The following SERINC5 variants were observed in gnomAD, a reference collection of about 807,000 sequenced individuals.
SERINC5 encodes serine incorporator 5.
Under a neutral mutation model 63.1 loss-of-function variants are expected in SERINC5, and 41 were observed. The ratio of observed to expected loss-of-function variants is 0.65; its 90% confidence interval spans 0.51 to 0.84. SERINC5 has a LOEUF of 0.84. Ranked by LOEUF, SERINC5 falls within the 40% of genes least tolerant of loss-of-function variation. The pLI is 0.00. For synonymous variants in SERINC5, 222 were observed against 215.2 expected (o/e 1.03, Z -0.28); for missense variants, 523 against 573.0 (o/e 0.91, Z 0.89).
intron 2 of SERINC5, among the ~76,000 whole-genome samples, chr5:80,201,826 T>A (rs142802545): frequency 3.9e-5 from 6 of 152,188 alleles, no homozygotes; most frequent in African/African-American, 1.4e-4. Context: ...ACCCTACAAG[T>A]AACCTGTCCA....
Position 80,242,595 on chromosome 5 carries a change from CA to C in SERINC5, c.27+13300del, listed in dbSNP as rs1484961852. 5.9e-5 allele frequency among the ~76,000 whole-genome samples: 9 copies of C among 152,138 alleles called. 1 individual carries two copies. On this transcript the variant is annotated intron_variant, in intron 1 of 11. Transcript: ENST00000507668. ...TGAAAGCTTGTCTCTACTAAAAATA[CA>C]AAAATTAGCCAAGTGTAGTGGCATG... is the stretch of plus-strand genomic sequence containing the variant.
chr5:80,229,517 C>T (rs1561442372), intron 1 of SERINC5, among the ~76,000 whole-genome samples: 1 of 151,974 alleles, frequency 6.6e-6, no homozygotes, highest in Non-Finnish European at 1.5e-5. Flanking sequence ...TTTAAGTCAA[C>T]ACTAGGAAAG....
intron 2 of SERINC5, among the ~76,000 whole-genome samples, chr5:80,181,996 G>C (rs971295980): frequency 1.3e-5 from 2 of 152,070 alleles, no homozygotes; most frequent in Admixed American, 1.3e-4. Context: ...TATTTTGTTT[G>C]TTGCACAATG....
chr5:80,250,445 G>A (rs1341823465), intron 1 of SERINC5, among the ~76,000 whole-genome samples: 11 of 152,180 alleles, frequency 7.2e-5, no homozygotes, highest in African/African-American at 2.2e-4. Flanking sequence ...AGGTTCAAGC[G>A]ACTCTCCTGC....
At chr5:80,253,872 C>T (rs1455273552) in intron 1 of SERINC5, among the ~76,000 whole-genome samples, 46 of 152,170 alleles carry the variant, frequency 3.0e-4, no homozygotes, top group Admixed American at 3.0e-3. Flanking sequence ...AGGCAGGTGC[C>T]CACAGAAACA....
chr5:80,161,546 A>G (rs1746922920), intron 7 of SERINC5, among the ~76,000 whole-genome samples: 1 of 152,048 alleles, frequency 6.6e-6, no homozygotes, highest in Admixed American at 6.6e-5. Flanking sequence ...CTACTTTTTA[A>G]TGGGATTATT....
intron 2 of SERINC5, among the ~76,000 whole-genome samples, chr5:80,181,061 T>C (rs1748384049): frequency 6.6e-6 from 1 of 152,198 alleles, no homozygotes; most frequent in Non-Finnish European, 1.5e-5. Context: ...GTGTGGCTAA[T>C]GCATAGCGCT....
At chr5:80,175,722 G>A (rs1747984252) in intron 4 of SERINC5, among the ~76,000 whole-genome samples, 1 of 151,722 alleles carries the variant, frequency 6.6e-6, no homozygotes, top group Non-Finnish European at 1.5e-5. Context: ...AAAAACTCCA[G>A]GCATAGTGGC....
At chr5:80,148,441 C>A (rs1337611742) in intron 9 of SERINC5, among the ~76,000 whole-genome samples, 1 of 151,924 alleles carries the variant, frequency 6.6e-6, no homozygotes, top group Admixed American at 6.6e-5. Context: ...CCACCCACCT[C>A]GGCCTCCCAA....
At chr5:80,124,908 G>A (rs181568102) in intron 11 of SERINC5, among the ~76,000 whole-genome samples, 1 of 152,262 alleles carries the variant, frequency 6.6e-6, no homozygotes. Context: ...GCAATCAGAA[G>A]CCCATCCCTG....
intron 11 of SERINC5, among the ~76,000 whole-genome samples, chr5:80,128,621 G>A (rs752523251): frequency 5.9e-5 from 9 of 152,312 alleles, no homozygotes; most frequent in Admixed American, 2.0e-4. Flanking sequence ...CAGTTTCTGT[G>A]AAAGCAAATT....
chr5:80,131,382 T>G (rs1744943769), intron 11 of SERINC5, among the ~76,000 whole-genome samples: 1 of 152,218 alleles, frequency 6.6e-6, no homozygotes, highest in African/African-American at 2.4e-5. Flanking sequence ...CAATTAAACC[T>G]TTTTCATTTA....
Position 80,147,280 on chromosome 5 carries a change from G to C in SERINC5, c.1058C>G (p.Ala353Gly). Residue 353 changes from alanine to glycine, a missense_variant, in exon 10 of 12, where the codon GCT (alanine) becomes GGT (glycine). Physicochemically the swap from Ala to Gly is moderately conservative, Grantham distance 60. Transcript: ENST00000507668. ...AGGACTGAAGCAAAAACAACAGCGA[G>C]CTATCTGTGAAAGCAAAAGCAACAG... The part of the protein sequence containing the change: ...GRYAAPELEI[A>G]RCCFCFSPGG... The C allele has an allele frequency of 6.2e-7, 1 of 1,605,918 alleles. No individual in the cohort carries two copies. Among genetic ancestry groups the C allele is most frequent in the Non-Finnish European group, 8.5e-7 (1 of 1,176,660 alleles).
At chr5:80,235,660 G>A (rs191303631) in intron 1 of SERINC5, among the ~76,000 whole-genome samples, 1 of 152,124 alleles carries the variant, frequency 6.6e-6, no homozygotes, top group African/African-American at 2.4e-5. Flanking sequence ...GCAGTGGCAT[G>A]ATCTTGGCTC....
chr5:80,163,605 T>C (rs903109753), intron 7 of SERINC5, among the ~76,000 whole-genome samples: 1 of 138,518 alleles, frequency 7.2e-6, no homozygotes, highest in East Asian at 1.9e-4. Context: ...CTGCATCTAT[T>C]GAAATGATCA....
In SERINC5 at chr5:80,142,583, AC is replaced by A; in HGVS notation, c.*1079del. On this transcript the variant is annotated 3_prime_UTR_variant, in exon 12 of 12. Transcript: ENST00000507668. ...TGAGATCCTCACCTCAGAAATTCTC[AC>A]ATTAGCAAACCTACTCCAAGGATGC... 3.0e-6 allele frequency: 3 copies of A among 985,288 alleles called. No individual in the cohort carries two copies. The East Asian group carries it at 3.4e-4, about 112-fold the overall frequency. 61.0% of individuals were successfully genotyped at this position (985,288 alleles called of 1,614,324 possible). A position where few individuals can be genotyped will look rare whatever the true frequency, so the allele number is the denominator to read the frequency against.
At chr5:80,199,196 T>G (rs998436035) in intron 2 of SERINC5, among the ~76,000 whole-genome samples, 3 of 152,152 alleles carry the variant, frequency 2.0e-5, no homozygotes, top group African/African-American at 7.2e-5. Flanking sequence ...TCCTCTCTAG[T>G]CACACAGCCT....
At chr5:80,158,692 T>C in intron 8 of SERINC5, 144 bp downstream of exon 8, 1 of 707,898 alleles carries the variant, frequency 1.4e-6, no homozygotes, top group East Asian at 2.7e-5. Context: ...CAAATATGAG[T>C]TCACGCTCTT....
At chr5:80,155,053 G>A (rs765002188) in intron 8 of SERINC5, among the ~76,000 whole-genome samples, 1 of 152,184 alleles carries the variant, frequency 6.6e-6, no homozygotes, top group Admixed American at 6.5e-5. Flanking sequence ...AGAGCTACAG[G>A]TATAGGCTCC....
Sources: gnomAD v4.1 joint callset for allele counts (sites outside exome capture counted in the v4.1 genomes callset) on GRCh38, gnomAD v4.1.1 for gene constraint, MANE v1.5 for transcripts, NCBI Gene and HGNC (gene_info 2026-07-23, HGNC 2026-07-21) for gene names.